Variants in CPQ observed in about 807,000 individuals in gnomAD.
CPQ encodes the protein carboxypeptidase Q.
Under a neutral mutation model 45.7 loss-of-function variants are expected in CPQ, and 37 were observed. That is an observed-to-expected ratio of 0.81 (90% confidence interval 0.62 to 1.07). CPQ has a LOEUF of 1.07. CPQ is among the 50% of genes least tolerant of loss of function. The pLI is 0.00. For synonymous variants in CPQ, 186 were observed against 205.8 expected (o/e 0.90, Z 0.82); for missense variants, 537 against 572.9 (o/e 0.94, Z 0.64).
intron 1 of CPQ, among the ~76,000 whole-genome samples, chr8:96,751,358 G>A (rs1339420579): frequency 2.6e-5 from 4 of 152,080 alleles, no homozygotes; most frequent in Non-Finnish European, 4.4e-5. Flanking sequence ...ATTTCACTGT[G>A]GTTTTGATTT....
At chr8:96,919,139 G>A (rs79771819) in intron 4 of CPQ, among the ~76,000 whole-genome samples, 133 of 149,230 alleles carry the variant, frequency 8.9e-4, no homozygotes, top group African/African-American at 3.2e-3. Flanking sequence ...CTTTTTTTTT[G>A]TGCTGTTGGT....
chr8:96,768,315 TAA>T (rs2130796560), intron 1 of CPQ, among the ~76,000 whole-genome samples: 1 of 152,174 alleles, frequency 6.6e-6, no homozygotes, highest in East Asian at 1.9e-4. Context: ...AACCTTTGAT[TAA>T]TGCCTGACCA....
rs6991153 is a variant in CPQ at position 96,830,248 on chromosome 8, C to T, written c.434-4725C>T. 6.6e-3 allele frequency among the ~76,000 whole-genome samples: 1,006 copies of T among 152,178 alleles called. 13 individuals carry two copies. The highest frequency in any genetic ancestry group is 0.023 in the African/African-American group (948 of 41,512). On this transcript the variant is annotated intron_variant, in intron 2 of 7. Transcript: ENST00000220763. ...CCACATTAAAATAAGACCATAGACA[C>T]GTTTTTCTGTCTATAAGTCTTTTTA...
intron 4 of CPQ, among the ~76,000 whole-genome samples, chr8:96,963,822 C>A (rs990504090): frequency 6.6e-6 from 1 of 152,068 alleles, no homozygotes; most frequent in African/African-American, 2.4e-5. Context: ...TTTCCTCTAC[C>A]CCCTTTTTGT....
chr8:96,671,521 C>T (rs1354058834), intron 1 of CPQ, among the ~76,000 whole-genome samples: 1 of 152,160 alleles, frequency 6.6e-6, no homozygotes, highest in Non-Finnish European at 1.5e-5. Context: ...GTTGTCAAAT[C>T]CATGTGAATT....
Position 96,784,922 on chromosome 8 carries a change from T to C in CPQ, c.25T>C (p.Phe9Leu). The part of the protein sequence containing the change: MKFLIFAF[F>L]GGVHLLSLCS... ...AATGAAATTCCTTATCTTCGCATTT[T>C]TCGGTGGTGTTCACCTTTTATCCCT... Residue 9 changes from phenylalanine (F) to leucine (L), a missense_variant, in exon 2 of 8, where the codon TTC (phenylalanine) becomes CTC (leucine). Physicochemically the swap from Phe to Leu is conservative, Grantham distance 22. Transcript: ENST00000220763. 1 of 1,605,152 alleles carries C rather than the reference T, an allele frequency of 6.2e-7. No homozygotes were observed. Among genetic ancestry groups the C allele is most frequent in the Non-Finnish European group, 8.5e-7 (1 of 1,176,412 alleles).
At chr8:96,868,988 A>G (rs1313783855) in intron 3 of CPQ, among the ~76,000 whole-genome samples, 4 of 152,026 alleles carry the variant, frequency 2.6e-5, no homozygotes, top group African/African-American at 9.7e-5. Flanking sequence ...GTATACATCT[A>G]ATCAGTATTA....
intron 2 of CPQ, among the ~76,000 whole-genome samples, chr8:96,832,804 A>G (rs1044218938): frequency 6.6e-6 from 1 of 152,184 alleles, no homozygotes; most frequent in Admixed American, 6.5e-5. Context: ...GGATGTTGAA[A>G]TGATGGGTTT....
intron 1 of CPQ, among the ~76,000 whole-genome samples, chr8:96,713,749 T>C (rs916249103): frequency 2.0e-5 from 3 of 152,236 alleles, no homozygotes; most frequent in African/African-American, 7.2e-5. Flanking sequence ...TTGAGTTTTA[T>C]GCTTTCAAGA....
chr8:96,717,038 T>G (rs560414079), intron 1 of CPQ, among the ~76,000 whole-genome samples: 1 of 34,288 alleles, frequency 2.9e-5, no homozygotes, highest in Non-Finnish European at 8.2e-5. Context: ...TATATATATA[T>G]ATATATATAT....
intron 1 of CPQ, among the ~76,000 whole-genome samples, chr8:96,739,070 CCCA>C (rs1252965570): frequency 1.1e-4 from 16 of 151,032 alleles, no homozygotes; most frequent in Non-Finnish European, 2.2e-4. Flanking sequence ...AGTCTACAGT[CCCA>C]CCAACAGTGT....
rs150116868 is a variant in CPQ at position 96,707,280 on chromosome 8, A to G, written c.-35+61878A>G. Among the ~76,000 whole-genome samples, 372 of 152,228 alleles carry G rather than the reference A, an allele frequency of 2.4e-3. 3 individuals carry two copies. The highest frequency in any genetic ancestry group is 8.8e-3 in the African/African-American group (364 of 41,564). On this transcript the variant is annotated intron_variant, in intron 1 of 7. Coordinates refer to ENST00000220763, the MANE Select transcript of CPQ (RefSeq NM_016134.4). ...CACAAGGAGCTGATGAGCACTGGAAATGTGGCTATTGAACCTAAGATACTG... is the reference window on the plus strand; with the variant it reads ...CACAAGGAGCTGATGAGCACTGGAAGTGTGGCTATTGAACCTAAGATACTG...
At chr8:96,918,650 G>C (rs1477551570) in intron 4 of CPQ, among the ~76,000 whole-genome samples, 1 of 152,002 alleles carries the variant, frequency 6.6e-6, no homozygotes, top group African/African-American at 2.4e-5. Context: ...CTAGGTGGGT[G>C]GGGGGTTCTC....
intron 7 of CPQ, among the ~76,000 whole-genome samples, chr8:97,068,870 T>G (rs1810687545): frequency 6.6e-6 from 1 of 152,184 alleles, no homozygotes; most frequent in Non-Finnish European, 1.5e-5. Flanking sequence ...GAACAGGCCA[T>G]TTTGGCTTCA....
At chr8:96,811,882 T>C (rs1311783475) in intron 2 of CPQ, among the ~76,000 whole-genome samples, 1 of 152,154 alleles carries the variant, frequency 6.6e-6, no homozygotes, top group Admixed American at 6.5e-5. Flanking sequence ...GAGTTTCCCA[T>C]GAGTGACCGT....
chr8:96,816,571 G>T (rs555792604), intron 2 of CPQ, among the ~76,000 whole-genome samples: 60 of 152,138 alleles, frequency 3.9e-4, no homozygotes, highest in African/African-American at 1.4e-3. Flanking sequence ...TTTCCAGAAG[G>T]TTGTTGATTT....
At chr8:96,875,900 G>T (rs1278430006) in intron 3 of CPQ, among the ~76,000 whole-genome samples, 1 of 151,854 alleles carries the variant, frequency 6.6e-6, no homozygotes, top group Non-Finnish European at 1.5e-5. Context: ...GCATTGCCAT[G>T]TTAACAATAT....
intron 3 of CPQ, among the ~76,000 whole-genome samples, chr8:96,864,841 G>C (rs1225181331): frequency 6.6e-6 from 1 of 151,948 alleles, no homozygotes; most frequent in African/African-American, 2.4e-5. Context: ...ATGAGGAGAG[G>C]AGTGAGAGTA....
intron 4 of CPQ, among the ~76,000 whole-genome samples, chr8:96,956,469 T>G (rs951778332): frequency 2.0e-5 from 3 of 152,182 alleles, no homozygotes; most frequent in Non-Finnish European, 4.4e-5. Context: ...GAAACTAAGA[T>G]AATTCTCTTT....
Sources: allele counts gnomAD v4.1 joint callset (sites outside exome capture counted in the v4.1 genomes callset), GRCh38; gene constraint gnomAD v4.1.1; transcripts MANE v1.5; gene names NCBI Gene and HGNC (gene_info 2026-07-23, HGNC 2026-07-21).